Variants in TTC7A observed in about 807,000 individuals in gnomAD.
TTC7A encodes tetratricopeptide repeat protein 7A.
TTC7A carries 110 observed loss-of-function variants against 103.7 expected under a neutral mutation model. The ratio of observed to expected loss-of-function variants is 1.06; its 90% CI spans 0.91 to 1.24. The LOEUF (loss-of-function observed/expected upper bound fraction) is 1.24. Ranked by LOEUF, TTC7A falls within the 50% of genes most tolerant of loss-of-function variation. TTC7A has a pLI of 0.00. For synonymous variants in TTC7A, 521 were observed against 467.9 expected, an observed-to-expected ratio of 1.11 and a Z score of -1.47; for missense variants, 1,340 against 1,116.3, an observed-to-expected ratio of 1.20 and a Z score of -2.86.
chr2:47,036,224 G>T (rs1681088806), intron 15 of TTC7A, among the ~76,000 whole-genome samples: 1 of 152,174 alleles, frequency 6.6e-6, no homozygotes, highest in African/African-American at 2.4e-5. Flanking sequence ...GGGGCAGGCT[G>T]CTCTCAGAGC....
intron 19 of TTC7A, among the ~76,000 whole-genome samples, chr2:47,070,785 G>A (rs1321982184): frequency 6.6e-6 from 1 of 152,150 alleles, no homozygotes; most frequent in Non-Finnish European, 1.5e-5. Flanking sequence ...AATCATGTCT[G>A]TGGCTATAAC....
chr2:46,924,913 C>T (rs1171806676), intron 2 of TTC7A, among the ~76,000 whole-genome samples: 8 of 152,228 alleles, frequency 5.3e-5, no homozygotes, highest in Non-Finnish European at 8.8e-5. Context: ...GAGCGTGAGC[C>T]AGCCTGCCAC....
intron 7 of TTC7A, among the ~76,000 whole-genome samples, chr2:46,994,905 G>A (rs1676019134): frequency 6.6e-6 from 1 of 152,164 alleles, no homozygotes. Context: ...TGGGAGGAAT[G>A]TTTCCTCCCT....
At chr2:46,952,747 GTC>G (rs1303124738) in intron 2 of TTC7A, among the ~76,000 whole-genome samples, 1 of 152,186 alleles carries the variant, frequency 6.6e-6, no homozygotes, top group Non-Finnish European at 1.5e-5. Context: ...GCAAGATCCT[GTC>G]TCACACACAC....
intron 1 of TTC7A, among the ~76,000 whole-genome samples, chr2:46,942,513 G>T (rs1388819937): frequency 6.6e-6 from 1 of 152,230 alleles, no homozygotes; most frequent in Non-Finnish European, 1.5e-5. Flanking sequence ...TGCTCAGCCT[G>T]TTGAAGGCTC....
intron 15 of TTC7A, among the ~76,000 whole-genome samples, chr2:47,035,931 T>G (rs890122944): frequency 6.6e-6 from 1 of 152,312 alleles, no homozygotes; most frequent in Non-Finnish European, 1.5e-5. Context: ...ACCAAGGCAA[T>G]TGCTTCTTTG....
At chr2:47,016,606 G>A (rs1678682726) in intron 11 of TTC7A, among the ~76,000 whole-genome samples, 1 of 152,218 alleles carries the variant, frequency 6.6e-6, no homozygotes, top group Non-Finnish European at 1.5e-5. Flanking sequence ...GAGAAGGAAG[G>A]TTGAAGAGAA....
At chr2:46,929,824 G>C (rs982589917) in intron 2 of TTC7A, among the ~76,000 whole-genome samples, 15 of 152,212 alleles carry the variant, frequency 9.9e-5, no homozygotes, top group Admixed American at 8.5e-4. Context: ...CCTCTGGTCA[G>C]TGGAATATGT....
chr2:46,927,760 T>C (rs922667991), intron 2 of TTC7A, among the ~76,000 whole-genome samples: 2 of 151,928 alleles, frequency 1.3e-5, no homozygotes, highest in African/African-American at 2.4e-5. Flanking sequence ...AAAAGAAAAC[T>C]GCTCACCTAA....
intron 15 of TTC7A, among the ~76,000 whole-genome samples, chr2:47,044,463 G>T (rs986902270): frequency 5.8e-4 from 88 of 152,212 alleles, no homozygotes; most frequent in Non-Finnish European, 9.8e-4. Flanking sequence ...GCCCACTGGG[G>T]TCATTCCTAC....
intron 2 of TTC7A, among the ~76,000 whole-genome samples, chr2:46,932,815 C>T (rs1368926660): frequency 6.7e-6 from 1 of 149,762 alleles, no homozygotes; most frequent in Non-Finnish European, 1.5e-5. Context: ...GCAGGAGGAT[C>T]GCTTGAACCC....
intron 15 of TTC7A, among the ~76,000 whole-genome samples, chr2:47,036,097 G>A (rs2104634023): frequency 6.6e-6 from 1 of 152,340 alleles, no homozygotes; most frequent in Middle Eastern, 3.4e-3. Flanking sequence ...TGTTTGGGAA[G>A]TCCTCTCAAG....
intron 19 of TTC7A, among the ~76,000 whole-genome samples, chr2:47,063,616 T>A (rs926255436): frequency 6.6e-6 from 1 of 152,200 alleles, no homozygotes; most frequent in Admixed American, 6.5e-5. Flanking sequence ...AAGAGAGGAA[T>A]GTGGAAGGTA....
chr2:46,944,453 T>A (rs1670755079), intron 1 of TTC7A, among the ~76,000 whole-genome samples: 1 of 149,414 alleles, frequency 6.7e-6, no homozygotes, highest in African/African-American at 2.5e-5. Flanking sequence ...AATTATAGCT[T>A]ACTACACACT....
At chr2:46,998,418 T>C (rs1676447960) in intron 8 of TTC7A, among the ~76,000 whole-genome samples, 1 of 152,144 alleles carries the variant, frequency 6.6e-6, no homozygotes, top group South Asian at 2.1e-4. Flanking sequence ...TCTTGATCAG[T>C]GAGAGGACTA....
intron 1 of TTC7A, among the ~76,000 whole-genome samples, chr2:46,949,357 C>T (rs1186383217): frequency 1.3e-5 from 2 of 152,154 alleles, no homozygotes; most frequent in African/African-American, 2.4e-5. Context: ...CTCAGCTTCC[C>T]GAGTAGCTGG....
chr2:46,924,503 T>G (rs992439178), intron 2 of TTC7A, among the ~76,000 whole-genome samples: 1 of 152,102 alleles, frequency 6.6e-6, no homozygotes, highest in Admixed American at 6.6e-5. Context: ...TAAAGAAAAA[T>G]TATAAAATAT....
At chr2:47,023,686 G>C (rs1295359074) in intron 13 of TTC7A, among the ~76,000 whole-genome samples, 1 of 152,164 alleles carries the variant, frequency 6.6e-6, no homozygotes, top group Non-Finnish European at 1.5e-5. Flanking sequence ...CACAAGTCTC[G>C]GTTCCTGCTC....
chr2:47,016,352 C>T (rs1050635099), intron 11 of TTC7A, among the ~76,000 whole-genome samples: 4 of 152,216 alleles, frequency 2.6e-5, no homozygotes, highest in African/African-American at 4.8e-5. Flanking sequence ...AACAGTTCTG[C>T]TACTTCCTAG....
Sources: allele counts gnomAD v4.1 joint callset (sites outside exome capture counted in the v4.1 genomes callset), GRCh38; gene constraint gnomAD v4.1.1; transcripts MANE v1.5; gene names NCBI Gene and HGNC (gene_info 2026-07-23, HGNC 2026-07-21).